Variants in INCENP observed in about 807,000 individuals in gnomAD.
INCENP encodes the protein binds and activates aurora-B and -C in vivo and in vitro.
A neutral mutation model predicts 107.3 loss-of-function variants in INCENP; 43 were observed. That is an observed-to-expected ratio of 0.40 (90% CI 0.31 to 0.52). The LOEUF is 0.52. INCENP is among the 20% of genes least tolerant of loss of function. INCENP has a pLI of 0.53. For missense variants in INCENP, 1,089 were observed against 1,250.9 expected (o/e 0.87, Z 1.95); for synonymous variants, 488 against 494.4 (o/e 0.99, Z 0.17).
chr11:62,145,793 G>A (rs1447624999), intron 14 of INCENP, 42 bp downstream of exon 14: 1 of 1,537,552 alleles, frequency 6.5e-7, no homozygotes, highest in South Asian at 1.2e-5. Flanking sequence ...TGGGCGGGGT[G>A]GGCGCTGTCT....
chr11:62,134,446 T>C (rs1943950370), intron 4 of INCENP, among the ~76,000 whole-genome samples: 1 of 151,772 alleles, frequency 6.6e-6, no homozygotes, highest in African/African-American at 2.4e-5. Flanking sequence ...TTATATCTAT[T>C]GATCGTTACT....
intron 4 of INCENP, among the ~76,000 whole-genome samples, 166 bp downstream of exon 4, chr11:62,130,756 T>G (rs1943877143): frequency 6.6e-6 from 1 of 152,258 alleles, no homozygotes; most frequent in South Asian, 2.1e-4. Flanking sequence ...TGGCCTCATC[T>G]GGCGATTGTG....
chr11:62,127,068 G>C (rs553125644), intron 1 of INCENP, among the ~76,000 whole-genome samples: 10 of 146,164 alleles, frequency 6.8e-5, no homozygotes, highest in African/African-American at 2.6e-4. Context: ...AGACAGTCTC[G>C]CTGCGATGCC....
At chr11:62,143,539 C>T (rs542516766) in intron 11 of INCENP, among the ~76,000 whole-genome samples, 3 of 152,196 alleles carry the variant, frequency 2.0e-5, no homozygotes, top group Admixed American at 6.5e-5. Flanking sequence ...CTCAAGTAGC[C>T]GCTCCTTGCA....
At chr11:62,149,919 C>CA (rs200241338) in intron 17 of INCENP, 138 bp from the exon 18 acceptor site, 1,282 of 818,246 alleles carry the variant, frequency 1.6e-3, no homozygotes, top group African/African-American at 1.8e-3. Context: ...GATTCTGTCT[C>CA]AAAAAAAAAG....
At chr11:62,148,416 G>A in intron 15 of INCENP, 60 bp from the exon 16 acceptor site, 1 of 1,503,884 alleles carries the variant, frequency 6.6e-7, no homozygotes. Flanking sequence ...GCAGGGATGG[G>A]AACAGGGCTT....
At chr11:62,130,624 C>T (rs765636759) in intron 4 of INCENP, 34 bp downstream of exon 4, 2 of 1,574,730 alleles carry the variant, frequency 1.3e-6, no homozygotes, top group Non-Finnish European at 8.6e-7. Context: ...GCGGGTGGTC[C>T]TTGGTGCCAG....
chr11:62,147,639 C>T (rs771539518), intron 15 of INCENP, among the ~76,000 whole-genome samples: 10 of 152,176 alleles, frequency 6.6e-5, no homozygotes, highest in Admixed American at 2.0e-4. Flanking sequence ...TCCCGCTCTA[C>T]CTCCTGGGAA....
Position 62,128,693 on chromosome 11 carries a change from CAGGGGCCAGGCTGGGTGGGAG to C in INCENP, c.141-71_141-51del. 3 of 1,019,284 alleles carry C rather than the reference CAGGGGCCAGGCTGGGTGGGAG, an allele frequency of 2.9e-6. No homozygotes were observed. In the Admixed American group the frequency reaches 5.1e-5, roughly 17 times the overall value. The allele number at this position is 1,019,284 out of a possible 1,614,324, so 63.1% of individuals were successfully genotyped here. A position where few individuals can be genotyped will look rare whatever the true frequency, so the allele number is the denominator to read the frequency against. ...TGACCTGTCGCTGCCAGGAAATGGG[CAGGGGCCAGGCTGGGTGGGAG>C]AGGGGACCAGTGGTTCCCAGGCAGC... On this transcript the variant is annotated intron_variant, in intron 2 of 18. Transcript: ENST00000394818.
At chr11:62,128,990 G>C in intron 3 of INCENP, 107 bp downstream of exon 3, 1 of 775,764 alleles carries the variant, frequency 1.3e-6, no homozygotes, top group East Asian at 2.6e-5. Context: ...GCAGCCTGTA[G>C]GAGGGGTGGT....
chr11:62,124,865 A>C (rs1943716771), intron 1 of INCENP, among the ~76,000 whole-genome samples: 1 of 152,084 alleles, frequency 6.6e-6, no homozygotes. Flanking sequence ...GCGTATCCTC[A>C]AGGTTGTGGT....
intron 7 of INCENP, among the ~76,000 whole-genome samples, chr11:62,139,521 A>G (rs1402710908): frequency 6.6e-6 from 1 of 152,160 alleles, no homozygotes; most frequent in Non-Finnish European, 1.5e-5. Context: ...TAGCTGTGAG[A>G]TCTTGAACAC....
intron 18 of INCENP, 31 bp downstream of exon 18, chr11:62,150,238 T>C: frequency 6.2e-7 from 1 of 1,611,110 alleles, no homozygotes; most frequent in East Asian, 2.2e-5. Context: ...CCTGGGAGAC[T>C]CAGGCCCTCC....
chr11:62,130,482 G>A lies in INCENP; in HGVS notation c.955G>A (p.Ala319Thr). Residue 319 changes from alanine to threonine, a missense_variant, in exon 4 of 19, where the codon GCC (alanine) becomes ACC (threonine). By Grantham distance (58) the Ala-to-Thr change is moderately conservative. Transcript: ENST00000394818. ...GTCTTCCCCGAGTCCCCAAGTCTTA[G>A]CCCAGAAGTACTCTCTGGTGGCCAA... The part of the protein sequence containing the change: ...APSSPSPQVL[A>T]QKYSLVAKQE... The A allele has an allele frequency of 6.2e-7, 1 of 1,614,116 alleles. No homozygotes were observed. Among genetic ancestry groups the A allele is most frequent in the Non-Finnish European group, 8.5e-7 (1 of 1,180,040 alleles).
At chr11:62,124,310 G>C (rs1269497498) in intron 1 of INCENP, 147 bp downstream of exon 1, 3 of 152,408 alleles carry the variant, frequency 2.0e-5, no homozygotes, top group African/African-American at 7.2e-5. Context: ...CCTCTTCCAA[G>C]TGGCGAGGTC....
intron 4 of INCENP, 58 bp downstream of exon 4, chr11:62,130,648 C>A: frequency 6.9e-7 from 1 of 1,454,102 alleles, no homozygotes; most frequent in Non-Finnish European, 9.4e-7. Context: ...CAGATGGAGG[C>A]TTTCTGAGGG....
In INCENP at chr11:62,152,029, C is replaced by T. The variant is rs1012361358; in HGVS notation, c.*53C>T. 4 of 1,387,952 alleles carry T rather than the reference C, an allele frequency of 2.9e-6. No individual in the cohort carries two copies. Among genetic ancestry groups the T allele is most frequent in the African/African-American group, 1.4e-5 (1 of 70,162 alleles). 86.0% of individuals were successfully genotyped at this position (1,387,952 alleles called of 1,614,324 possible). ...TCGCCTCCTGTCCATGTCTATCTGT[C>T]TGTCTGTCGGTCTCTGTCTTGGTCT... On this transcript the variant is annotated 3_prime_UTR_variant, in exon 19 of 19. Coordinates refer to ENST00000394818, the MANE Select transcript of INCENP (RefSeq NM_001040694.2).
At chr11:62,141,569 G>T (rs894920652) in intron 11 of INCENP, 58 bp downstream of exon 11, 2 of 1,605,750 alleles carry the variant, frequency 1.2e-6, no homozygotes, top group Non-Finnish European at 1.7e-6. Context: ...ACCCGCTGTA[G>T]CCCCTTCCCT....
intron 16 of INCENP, 30 bp from the exon 17 acceptor site, chr11:62,148,709 C>T: frequency 1.3e-6 from 2 of 1,543,838 alleles, no homozygotes; most frequent in Non-Finnish European, 1.8e-6. Flanking sequence ...TGCACAGCTC[C>T]CTAACACCCC....
Sources: allele counts gnomAD v4.1 joint callset (sites outside exome capture counted in the v4.1 genomes callset), GRCh38; gene constraint gnomAD v4.1.1; transcripts MANE v1.5; gene names NCBI Gene and HGNC (gene_info 2026-07-23, HGNC 2026-07-21).